SYNE1: variants seen among roughly 807,000 people sequenced by gnomAD.
SYNE1 encodes spectrin repeat containing nuclear envelope protein 1, also known as nesprin-1.
Under a neutral mutation model 1,111.0 loss-of-function variants are expected in SYNE1, and 616 were observed. That is an observed-to-expected ratio of 0.55 (90% CI 0.52 to 0.59). The LOEUF is 0.59. Ranked by LOEUF, SYNE1 falls within the 20% of genes least tolerant of loss-of-function variation. The probability of loss-of-function intolerance (pLI) is 0.00; values close to 1 mark genes in which losing one functional copy is unlikely to be tolerated. For missense variants in SYNE1, 10,006 were observed against 10,417.0 expected, an observed-to-expected ratio of 0.96 and a Z score of 1.72; for synonymous variants, 3,855 against 3,825.8, an observed-to-expected ratio of 1.01 and a Z score of -0.28.
At chr6:152,145,050 G>T (rs1311354665) in intron 137 of SYNE1, 1 of 227,050 alleles carries the variant, frequency 4.4e-6, no homozygotes, top group East Asian at 1.0e-4. Flanking sequence ...AGGATAAAGT[G>T]GTGGATGGGC....
At chr6:152,555,293 A>G (rs528795600) in intron 3 of SYNE1, among the ~76,000 whole-genome samples, 1 of 152,212 alleles carries the variant, frequency 6.6e-6, no homozygotes, top group Admixed American at 6.5e-5. Context: ...GATGGACCAC[A>G]TATACAACTG....
chr6:152,263,821 T>C (rs929782796), intron 100 of SYNE1, among the ~76,000 whole-genome samples: 5 of 152,120 alleles, frequency 3.3e-5, no homozygotes, highest in African/African-American at 1.2e-4. Flanking sequence ...AAAATGAAGA[T>C]AGTATCTACC....
rs34364170 is a variant in SYNE1 at position 152,615,428 on chromosome 6, A to AT, written c.67+12836dup. Reference sequence around the variant, plus strand: ...CAAGACTCAATGTTGTCTTGAAACTATTTTTTTTTAAAGCACAAAGTAACA... The same window carrying AT: ...CAAGACTCAATGTTGTCTTGAAACTATTTTTTTTTTAAAGCACAAAGTAACA... On this transcript the variant is annotated intron_variant, in intron 3 of 145. Coordinates refer to ENST00000367255, the MANE Select transcript of SYNE1 (RefSeq NM_182961.4). 4.5e-3 allele frequency among the ~76,000 whole-genome samples: 682 copies of AT among 150,928 alleles called. 3 individuals are homozygous for AT. The highest frequency in any genetic ancestry group is 0.012 in the East Asian group (63 of 5,138).
At chr6:152,508,919 C>A (rs112690699) in intron 8 of SYNE1, among the ~76,000 whole-genome samples, 13 of 152,272 alleles carry the variant, frequency 8.5e-5, no homozygotes, top group African/African-American at 2.9e-4. Flanking sequence ...TCCTTTGTTT[C>A]TCTTTTTATT....
At chr6:152,218,545 T>TA in intron 120 of SYNE1, 142 bp from the exon 121 acceptor site, 1 of 920,450 alleles carries the variant, frequency 1.1e-6, no homozygotes, top group Non-Finnish European at 1.6e-6. Context: ...GACGTTCCTA[T>TA]AAAAAAAGCT....
chr6:152,593,886 T>C (rs2099573651), intron 3 of SYNE1, among the ~76,000 whole-genome samples: 1 of 152,168 alleles, frequency 6.6e-6, no homozygotes, highest in Admixed American at 6.5e-5. Context: ...CGCAGCATGT[T>C]AGTAACATGG....
chr6:152,581,575 G>A (rs76243067), intron 3 of SYNE1, among the ~76,000 whole-genome samples: 9 of 152,034 alleles, frequency 5.9e-5, no homozygotes, highest in African/African-American at 2.2e-4. Context: ...GGCCCCTCTC[G>A]CTACACCAAC....
chr6:152,257,692 G>C (rs947687739), intron 101 of SYNE1, among the ~76,000 whole-genome samples: 1 of 152,056 alleles, frequency 6.6e-6, no homozygotes, highest in East Asian at 1.9e-4. Context: ...GAAAACTCTT[G>C]CAATAATCAG....
Position 152,321,345 on chromosome 6 carries a change from T to G in SYNE1, c.16129A>C (p.Met5377Leu), listed in dbSNP as rs35987150. Residue 5377 changes from methionine to leucine, a missense_variant, in exon 84 of 146, where the codon ATG becomes CTG. Physicochemically the swap from Met to Leu is conservative, Grantham distance 15 (BLOSUM62 2). Around this residue, in one of 7 missense-constraint regions of SYNE1, gnomAD observed 4,955 missense variants for 5,017.2 expected, o/e 0.99. Transcript: ENST00000367255. ...TACTTCTCCTTCTGTTCTTCTGCCA[T>G]TTTTTCAATGTTCTGTCGGTGATTT... ...ATNHRQNIEK[M>L]AEEQKEKYLG... 1,827 of 1,613,906 alleles carry G rather than the reference T, an allele frequency of 1.1e-3. 26 individuals are homozygous for G. The African/African-American group carries it at 0.022, about 19-fold the overall frequency.
intron 59 of SYNE1, among the ~76,000 whole-genome samples, chr6:152,371,707 G>T (rs1468081697): frequency 3.8e-5 from 3 of 79,572 alleles, no homozygotes; most frequent in African/African-American, 1.6e-4. Context: ...GAGGGGAAGG[G>T]GTTGGGGAAG....
In SYNE1 at chr6:152,379,905, A is replaced by G. The variant is rs566745429; in HGVS notation, c.9009+1101T>C. On this transcript the variant is annotated intron_variant, in intron 56 of 145. Transcript: ENST00000367255. Reference sequence around the variant, plus strand: ...TTAAAAATTTCACTCTGTGACTGGAATAGAAAGAAAGGGAAAGAAAAAGGA... The same window carrying G: ...TTAAAAATTTCACTCTGTGACTGGAGTAGAAAGAAAGGGAAAGAAAAAGGA... Among the ~76,000 whole-genome samples the G allele has an allele frequency of 2.6e-5, 4 of 152,348 alleles. No individual in the cohort carries two copies. The South Asian group carries it at 8.3e-4, about 32-fold the overall frequency.
chr6:152,173,593 G>A (rs1381219879), intron 130 of SYNE1, among the ~76,000 whole-genome samples: 3 of 152,182 alleles, frequency 2.0e-5, no homozygotes, highest in African/African-American at 7.2e-5. Context: ...AATAAACAAG[G>A]AAATGCAATG....
rs766614719 is a variant in SYNE1 at position 152,629,522 on chromosome 6, C to CGGGGGG, written c.-223-974_-223-969dup. ...TGCCTGGCTGGTTAAGTTTCATTGC[C>CGGGGGG]GGGGGGGGGGGGGGGAGGGGGAGGG... On this transcript the variant is annotated intron_variant, in intron 2 of 145. Coordinates refer to ENST00000367255, the MANE Select transcript of SYNE1 (RefSeq NM_182961.4). Among the ~76,000 whole-genome samples the CGGGGGG allele has an allele frequency of 4.6e-3, 28 of 6,136 alleles. 1 individual carries two copies. The highest frequency in any genetic ancestry group is 6.6e-3 in the Non-Finnish European group (24 of 3,644). 4.0% of individuals were successfully genotyped at this position (6,136 alleles called of 152,430 possible). A position where few individuals can be genotyped will look rare whatever the true frequency, so the allele number is the denominator to read the frequency against.
chr6:152,298,479 A>G (rs947538313), intron 93 of SYNE1, among the ~76,000 whole-genome samples: 2 of 152,196 alleles, frequency 1.3e-5, no homozygotes, highest in African/African-American at 2.4e-5. Context: ...GCTAATAGCT[A>G]CTGTCAGAGA....
At chr6:152,184,177 T>C (rs2068986050) in intron 128 of SYNE1, among the ~76,000 whole-genome samples, 1 of 152,204 alleles carries the variant, frequency 6.6e-6, no homozygotes, top group Admixed American at 6.5e-5. Context: ...GGCTCACGCC[T>C]ATTATCCCAG....
chr6:152,463,590 G>C lies in SYNE1; in HGVS notation c.1933-73C>G, dbSNP rs150006921. 504 of 1,241,528 alleles carry C rather than the reference G, an allele frequency of 4.1e-4. 2 individuals are homozygous for C. The African/African-American group carries it at 6.9e-3, about 17-fold the overall frequency. 76.9% of individuals were successfully genotyped at this position (1,241,528 alleles called of 1,614,324 possible). On this transcript the variant is annotated intron_variant, in intron 18 of 145. Transcript: ENST00000367255. ...AGTGACTGATATGAAAGTGACTAAA[G>C]TAGGAAAAATATTTTTGTTTTAACA... is the stretch of plus-strand genomic sequence containing the variant.
intron 145 of SYNE1, chr6:152,129,341 G>C (rs2054661396): frequency 6.6e-6 from 1 of 152,180 alleles, no homozygotes; most frequent in Non-Finnish European, 1.5e-5. Context: ...TATCCTCGAA[G>C]GAATGCTGTG....
Position 152,325,066 on chromosome 6 carries a change from A to G in SYNE1, c.15657+18T>C, listed in dbSNP as rs777757782. The G allele has an allele frequency of 1.2e-6, 2 of 1,612,948 alleles. No individual in the cohort carries two copies. Among genetic ancestry groups the G allele is most frequent in the Non-Finnish European group, 1.7e-6 (2 of 1,179,532 alleles). Reference sequence around the variant, plus strand: ...TTAGTGAGGAAAGAAAGGTGAGCCCATGGACAGTGGAAACTACCTTGTTGT... The same window carrying G: ...TTAGTGAGGAAAGAAAGGTGAGCCCGTGGACAGTGGAAACTACCTTGTTGT... On this transcript the variant is annotated intron_variant, in intron 81 of 145. Coordinates refer to ENST00000367255, the MANE Select transcript of SYNE1 (RefSeq NM_182961.4).
At chr6:152,497,067 G>C (rs891034046) in intron 11 of SYNE1, among the ~76,000 whole-genome samples, 1 of 152,076 alleles carries the variant, frequency 6.6e-6, no homozygotes. Flanking sequence ...TCCCTTTGCT[G>C]ACTCCTTTTT....
Sources: gnomAD v4.1 joint callset for allele counts (sites outside exome capture counted in the v4.1 genomes callset) on GRCh38, gnomAD v4.1.1 for gene constraint, gnomAD v4.1.1 regional missense constraint, MANE v1.5 for transcripts, NCBI Gene and HGNC (gene_info 2026-07-23, HGNC 2026-07-21) for gene names.